The following ALDH1A3 variants were observed in gnomAD, a reference collection of about 807,000 sequenced individuals.
ALDH1A3 encodes the protein aldehyde dehydrogenase 1 family member A3.
Under a neutral mutation model 57.5 loss-of-function variants are expected in ALDH1A3, and 28 were observed. The observed-to-expected ratio is 0.49, with a 90% confidence interval of 0.36 to 0.67. ALDH1A3 has a LOEUF of 0.67. ALDH1A3 is among the 30% of genes least tolerant of loss of function. ALDH1A3 has a pLI of 0.00. For synonymous variants in ALDH1A3, 281 were observed against 264.8 expected, an observed-to-expected ratio of 1.06 and a Z score of -0.59; for missense variants, 507 against 669.4, an observed-to-expected ratio of 0.76 and a Z score of 2.68.
Position 100,892,598 on chromosome 15 carries a change from C to T in ALDH1A3, c.434C>T (p.Ala145Val), listed in dbSNP as rs754619607. The T allele has an allele frequency of 1.2e-6, 2 of 1,612,766 alleles. No individual in the cohort carries two copies. Among genetic ancestry groups the T allele is most frequent in the Non-Finnish European group, 1.7e-6 (2 of 1,179,656 alleles). Residue 145 changes from alanine (A) to valine (V), a missense_variant, in exon 4 of 13, where the codon GCA becomes GTA. Transcript: ENST00000329841. The part of the protein sequence containing the change: ...EGCIRTLRYF[A>V]GWADKIQGKT... ...TGTATTAGAACCCTCAGATACTTTG[C>T]AGGGTGGGCAGACAAAATCCAGGGC...
At chr15:100,900,002 A>G (rs918814653) in intron 8 of ALDH1A3, among the ~76,000 whole-genome samples, 1 of 152,186 alleles carries the variant, frequency 6.6e-6, no homozygotes, top group Admixed American at 6.5e-5. Flanking sequence ...ATTCTTATCC[A>G]CTAAGCGTGT....
At position 100,893,256 on chromosome 15, in the gene ALDH1A3, C is replaced by T. The variant is rs2041669410; in HGVS notation, c.537+250C>T. ...TCCCAGCCAGAGTGGTCAGGAATGG[C>T]CAGCATTCCCAGGAAGGTGGTCTCT... is the stretch of plus-strand genomic sequence containing the variant. On this transcript the variant is annotated intron_variant, in intron 5 of 12. Transcript: ENST00000329841. This position sits in a 1 kb window ranked among gnomAD's most constrained non-coding sequence, Gnocchi z 4.8. 1 of 395,370 alleles carries T rather than the reference C, an allele frequency of 2.5e-6. No individual in the cohort carries two copies. Among genetic ancestry groups the T allele is most frequent in the Non-Finnish European group, 4.5e-6 (1 of 222,558 alleles). 24.5% of individuals were successfully genotyped at this position (395,370 alleles called of 1,614,324 possible).
In ALDH1A3 at chr15:100,912,986, G is replaced by A. The variant is rs1248849792; in HGVS notation, c.1467-1715G>A. 3.4e-5 allele frequency among the ~76,000 whole-genome samples: 2 copies of A among 58,706 alleles called. 1 individual carries two copies. The allele number at this position is 58,706 out of a possible 152,430, so 38.5% of individuals were successfully genotyped here. A position where few individuals can be genotyped will look rare whatever the true frequency, so the allele number is the denominator to read the frequency against. On this transcript the variant is annotated intron_variant, in intron 12 of 12. Transcript: ENST00000329841. Reference sequence around the variant, plus strand: ...ATCCTGGCTAACAAGGTGAAACCCCGTCTCTACTAAAAATACAAAAAATTA... The same window carrying A: ...ATCCTGGCTAACAAGGTGAAACCCCATCTCTACTAAAAATACAAAAAATTA...
rs888762943 is a variant in ALDH1A3 at position 100,879,965 on chromosome 15, C to T, written c.58C>T (p.Leu20=). 6.8e-7 allele frequency: 1 copy of T among 1,475,854 alleles called. No homozygotes were observed. The highest frequency in any genetic ancestry group is 9.0e-7 in the Non-Finnish European group (1 of 1,112,256). 91.4% of individuals were successfully genotyped at this position (1,475,854 alleles called of 1,614,324 possible). The change falls in exon 1 of 13, where the codon CTG becomes TTG. Residue 20 remains leucine, a synonymous_variant. Coordinates refer to ENST00000329841, the MANE Select transcript of ALDH1A3 (RefSeq NM_000693.4). ...GCAGCCGGACAGGAAGCCGCCGGCC[C>T]TGCCGCGCCCCATCCGCAACCTGGA... The part of the protein sequence containing the change: ...NGQPDRKPPA[L]PRPIRNLEVK...
chr15:100,897,341 C>A (rs1332164411), intron 7 of ALDH1A3, among the ~76,000 whole-genome samples: 1 of 152,238 alleles, frequency 6.6e-6, no homozygotes, highest in African/African-American at 2.4e-5. Context: ...GAGGATCTTC[C>A]CAGCTCTGAA....
chr15:100,886,063 C>G, intron 2 of ALDH1A3, among the ~76,000 whole-genome samples: 1 of 152,210 alleles, frequency 6.6e-6, no homozygotes, highest in East Asian at 1.9e-4. Flanking sequence ...TCCTTAGCTG[C>G]TGGAGTGCTG....
At chr15:100,881,258 C>T (rs1238126402) in intron 1 of ALDH1A3, 2 of 152,178 alleles carry the variant, frequency 1.3e-5, no homozygotes, top group African/African-American at 4.8e-5. Flanking sequence ...AAAGACACGT[C>T]GCTGTAAACT....
intron 10 of ALDH1A3, 149 bp downstream of exon 10, chr15:100,905,836 T>C: frequency 4.4e-6 from 4 of 899,246 alleles, no homozygotes; most frequent in Middle Eastern, 7.1e-4. Context: ...TTCTGTGTGG[T>C]CTTTCCCCTC....
At chr15:100,892,291 C>T in intron 3 of ALDH1A3, 1 of 579,516 alleles carries the variant, frequency 1.7e-6, no homozygotes, top group Non-Finnish European at 2.8e-6. Context: ...CACCCTGCAG[C>T]CCACTTTAGG....
rs150949480 is a variant in ALDH1A3, at chr15:100,892,833, C to T, written c.476-112C>T. The T allele has an allele frequency of 1.6e-4, 221 of 1,366,310 alleles. No homozygotes were observed. In the African/African-American group the frequency reaches 2.9e-3, roughly 18 times the overall value. The allele number at this position is 1,366,310 out of a possible 1,614,324, so 84.6% of individuals were successfully genotyped here. ...TCAAATCACTTCTCTGTATAATAGA[C>T]AAGACTTGAATCTGGCACCCTTGTT... is the stretch of plus-strand genomic sequence containing the variant. On this transcript the variant is annotated intron_variant, in intron 4 of 12. Transcript: ENST00000329841.
intron 3 of ALDH1A3, chr15:100,892,230 T>G (rs773780309): frequency 1.2e-4 from 46 of 390,706 alleles, no homozygotes; most frequent in Non-Finnish European, 1.7e-4. Context: ...TAAATCCGCC[T>G]GGCCTCCAAG....
Position 100,893,863 on chromosome 15 carries a change from A to G in ALDH1A3, c.538-91A>G. 2 of 1,521,166 alleles carry G rather than the reference A, an allele frequency of 1.3e-6. No homozygotes were observed. Among genetic ancestry groups the G allele is most frequent in the Non-Finnish European group, 1.8e-6 (2 of 1,134,040 alleles). The allele number at this position is 1,521,166 out of a possible 1,614,324, so 94.2% of individuals were successfully genotyped here. Reference sequence around the variant, plus strand: ...CATACCCCAAATCCAGACCATGAAAAGCAAGTGTCCTCCACAAAGGCATCG... The same window carrying G: ...CATACCCCAAATCCAGACCATGAAAGGCAAGTGTCCTCCACAAAGGCATCG... On this transcript the variant is annotated intron_variant, in intron 5 of 12. Coordinates refer to ENST00000329841, the MANE Select transcript of ALDH1A3 (RefSeq NM_000693.4). The surrounding 1 kb of genome is among the most constrained non-coding windows in gnomAD (Gnocchi z 4.8).
At chr15:100,907,412 C>T in intron 11 of ALDH1A3, 134 bp downstream of exon 11, 1 of 1,026,274 alleles carries the variant, frequency 9.7e-7, no homozygotes. Flanking sequence ...TGCTTCCTTC[C>T]ATCCTCATGA....
rs1438810835 is a variant in ALDH1A3 at position 100,879,897 on chromosome 15, G to A, written c.-11G>A. The A allele has an allele frequency of 1.4e-6, 2 of 1,411,118 alleles. No homozygotes were observed. The highest frequency in any genetic ancestry group is 1.9e-6 in the Non-Finnish European group (2 of 1,077,414). 87.4% of individuals were successfully genotyped at this position (1,411,118 alleles called of 1,614,324 possible). On this transcript the variant is annotated 5_prime_UTR_variant, in exon 1 of 13. Coordinates refer to ENST00000329841, the MANE Select transcript of ALDH1A3 (RefSeq NM_000693.4). ...ACTAGGGCGCCTCGGGCCAGGGAGC[G>A]CGGAGGAGCCATGGCCACCGCTAAC...
intron 11 of ALDH1A3, 93 bp from the exon 12 acceptor site, chr15:100,908,315 A>G: frequency 9.6e-7 from 1 of 1,041,264 alleles, no homozygotes; most frequent in Non-Finnish European, 1.5e-6. Flanking sequence ...TGTTTATTAG[A>G]CAATGCCCTG....
At chr15:100,885,548 C>T (rs556966864) in intron 2 of ALDH1A3, among the ~76,000 whole-genome samples, 177 bp downstream of exon 2, 13 of 152,256 alleles carry the variant, frequency 8.5e-5, no homozygotes, top group Admixed American at 6.5e-4. Context: ...CATCAATTAC[C>T]GATGATCCTC....
In ALDH1A3 at chr15:100,903,886, A is replaced by G. The variant is rs560907255; in HGVS notation, c.1069-1637A>G. On this transcript the variant is annotated intron_variant, in intron 9 of 12. Transcript: ENST00000329841. Reference sequence around the variant, plus strand: ...TCACTTCTAAGACCTCTTTACATACATAGTAGAGAGATTAGCTTTCTATGA... The same window carrying G: ...TCACTTCTAAGACCTCTTTACATACGTAGTAGAGAGATTAGCTTTCTATGA... 2.0e-5 allele frequency among the ~76,000 whole-genome samples: 3 copies of G among 152,298 alleles called. No homozygotes were observed. The South Asian group carries it at 6.2e-4, about 32-fold the overall frequency.
At chr15:100,907,320 T>G in intron 11 of ALDH1A3, 42 bp downstream of exon 11, 1 of 1,589,998 alleles carries the variant, frequency 6.3e-7, no homozygotes, top group Non-Finnish European at 8.6e-7. Context: ...CTGAGTTGCT[T>G]CTTGCTAAGT....
Position 100,906,455 on chromosome 15 carries a change from T to G in ALDH1A3, c.1234-666T>G, listed in dbSNP as rs2041823161. Among the ~76,000 whole-genome samples, 3 of 152,210 alleles carry G rather than the reference T, an allele frequency of 2.0e-5. No individual in the cohort carries two copies. The South Asian group carries it at 6.2e-4, about 32-fold the overall frequency. On this transcript the variant is annotated intron_variant, in intron 10 of 12. Coordinates refer to ENST00000329841, the MANE Select transcript of ALDH1A3 (RefSeq NM_000693.4). The surrounding 1 kb of genome is among the most constrained non-coding windows in gnomAD (Gnocchi z 4.8). ...CCGTGATGGCATGAAGCTCAGCTCC[T>G]TAAACATCCCTGTGACGAGAGGTCC...
Sources: allele counts gnomAD v4.1 joint callset (sites outside exome capture counted in the v4.1 genomes callset), GRCh38; gene constraint gnomAD v4.1.1; non-coding constraint Gnocchi (gnomAD v3.1); transcripts MANE v1.5; gene names NCBI Gene and HGNC (gene_info 2026-07-23, HGNC 2026-07-21).